CDH17: variants seen among roughly 807,000 people sequenced by gnomAD.
CDH17 encodes the protein cadherin-17.
In CDH17, 67 loss-of-function variants were observed where a neutral mutation model predicts 86.3. The ratio of observed to expected loss-of-function variants is 0.78; its 90% CI spans 0.64 to 0.95. The LOEUF (loss-of-function observed/expected upper bound fraction) is 0.95. Among genes scored for constraint, CDH17 ranks in the 40% least tolerant of loss-of-function variants. CDH17 has a pLI of 0.00. For synonymous variants in CDH17, 367 were observed against 366.4 expected (o/e 1.00, Z -0.02); for missense variants, 993 against 1,017.6 (o/e 0.98, Z 0.33).
chr8:94,147,593 C>T (rs1440175083), intron 14 of CDH17, among the ~76,000 whole-genome samples: 2 of 152,168 alleles, frequency 1.3e-5, no homozygotes, highest in Non-Finnish European at 2.9e-5. Flanking sequence ...TAATTAGAGA[C>T]TGGTCAACAT....
chr8:94,204,998 G>A (rs2129651862), intron 1 of CDH17, among the ~76,000 whole-genome samples: 1 of 152,330 alleles, frequency 6.6e-6, no homozygotes, highest in Admixed American at 6.5e-5. Context: ...ATCAGACCTT[G>A]ACGATGACCT....
At chr8:94,197,829 T>TAAAAAAA (rs34799637) in intron 1 of CDH17, among the ~76,000 whole-genome samples, 7 of 121,372 alleles carry the variant, frequency 5.8e-5, no homozygotes, top group Admixed American at 8.8e-5. Flanking sequence ...AGACTCTGTC[T>TAAAAAAA]AAAAAAAAAA....
chr8:94,177,613 C>A lies in CDH17; in HGVS notation c.259G>T (p.Glu87Ter). The A allele has an allele frequency of 6.2e-7, 1 of 1,613,700 alleles. No individual in the cohort carries two copies. The highest frequency in any genetic ancestry group is 8.5e-7 in the Non-Finnish European group (1 of 1,179,756). ...LLYYNRALDR[E>*]TRSTHNLQVA... ...TGGAGATTGTGAGTAGATCTTGTTTCCCTGTCCAAGGCTCTGTTGTAATAC... is the reference window on the plus strand; with the variant it reads ...TGGAGATTGTGAGTAGATCTTGTTTACCTGTCCAAGGCTCTGTTGTAATAC... Residue 87 changes from glutamate (E) to a stop codon, truncating the protein, a stop_gained, in exon 4 of 18, where the codon GAA becomes TAA. Coordinates refer to ENST00000027335, the MANE Select transcript of CDH17 (RefSeq NM_004063.4). LOFTEE classifies it high-confidence loss of function.
At chr8:94,196,629 G>A (rs187935579) in intron 1 of CDH17, among the ~76,000 whole-genome samples, 2 of 152,238 alleles carry the variant, frequency 1.3e-5, no homozygotes, top group Admixed American at 6.5e-5. Flanking sequence ...AAATTATTTA[G>A]GCAGATAGTA....
chr8:94,152,134 A>T, intron 12 of CDH17, 22 bp from the exon 13 acceptor site: 1 of 1,610,868 alleles, frequency 6.2e-7, no homozygotes, highest in Middle Eastern at 1.7e-4. Flanking sequence ...AAAGAGAGAA[A>T]ATTAATTTTG....
chr8:94,213,684 T>A (rs1159713955), intron 1 of CDH17, among the ~76,000 whole-genome samples: 1 of 152,178 alleles, frequency 6.6e-6, no homozygotes, highest in Non-Finnish European at 1.5e-5. Flanking sequence ...AGTGTCTGGC[T>A]TCCATCTTCA....
At chr8:94,156,848 C>T (rs1031446879) in intron 12 of CDH17, among the ~76,000 whole-genome samples, 1 of 152,160 alleles carries the variant, frequency 6.6e-6, no homozygotes, top group Admixed American at 6.5e-5. Flanking sequence ...GCATTTAATT[C>T]TTCAACATCC....
At chr8:94,141,716 T>C (rs1384627144) in intron 15 of CDH17, among the ~76,000 whole-genome samples, 2 of 152,136 alleles carry the variant, frequency 1.3e-5, no homozygotes, top group Non-Finnish European at 2.9e-5. Flanking sequence ...AACACATTGC[T>C]GAACGAAATT....
chr8:94,150,075 A>G (rs1039149221), intron 13 of CDH17, among the ~76,000 whole-genome samples: 4 of 152,256 alleles, frequency 2.6e-5, no homozygotes, highest in African/African-American at 9.6e-5. Context: ...TTAAAAAAGT[A>G]TGATGTGTTA....
At chr8:94,196,471 G>C (rs568966853) in intron 1 of CDH17, among the ~76,000 whole-genome samples, 107 of 152,222 alleles carry the variant, frequency 7.0e-4, no homozygotes, top group African/African-American at 2.5e-3. Context: ...TTGGGAGACC[G>C]AGGCAGGTGG....
chr8:94,165,456 C>T (rs78200120), intron 10 of CDH17, among the ~76,000 whole-genome samples: 3,334 of 152,240 alleles, frequency 0.022, 123 homozygotes, highest in African/African-American at 0.076. Flanking sequence ...CTCTCCCAGC[C>T]TTCTTTGTGC....
intron 11 of CDH17, 58 bp from the exon 12 acceptor site, chr8:94,160,220 G>C: frequency 7.6e-7 from 1 of 1,312,750 alleles, no homozygotes; most frequent in Non-Finnish European, 1.1e-6. Flanking sequence ...AAAGCCAAAG[G>C]ACAAACTTAT....
chr8:94,204,381 G>A (rs1813983393), intron 1 of CDH17, among the ~76,000 whole-genome samples: 1 of 152,132 alleles, frequency 6.6e-6, no homozygotes, highest in Non-Finnish European at 1.5e-5. Context: ...CCCCTTATGA[G>A]TGAGAACATG....
rs146393456 is a variant in CDH17 at position 94,201,216 on chromosome 8, C to T, written c.-20-6511G>A. ...AGTTTTGTTTCTACTGCAAATGTATCTCTGTGTCTCACTATTTCTCCTCAT... is the reference window on the plus strand; with the variant it reads ...AGTTTTGTTTCTACTGCAAATGTATTTCTGTGTCTCACTATTTCTCCTCAT... On this transcript the variant is annotated intron_variant, in intron 1 of 17. Transcript: ENST00000027335. Among the ~76,000 whole-genome samples, 684 of 152,250 alleles carry T rather than the reference C, an allele frequency of 4.5e-3. 8 individuals are homozygous for T. The highest frequency in any genetic ancestry group is 0.015 in the African/African-American group (640 of 41,528).
In CDH17 at chr8:94,204,144, T is replaced by A. The variant is rs182464945; in HGVS notation, c.-21+4339A>T. On this transcript the variant is annotated intron_variant, in intron 1 of 17. Transcript: ENST00000027335. The stretch of plus-strand genomic sequence containing the variant: ...ATGTTTGTCTCACTTTTTCTTTTTT[T>A]AAAAATTTTACTTTAAGTTCTGGGA... Among the ~76,000 whole-genome samples, 437 of 152,330 alleles carry A rather than the reference T, an allele frequency of 2.9e-3. 1 individual carries two copies. Among genetic ancestry groups the A allele is most frequent in the African/African-American group, 9.9e-3 (410 of 41,574 alleles).
chr8:94,215,271 C>A (rs6981215), intron 1 of CDH17, among the ~76,000 whole-genome samples: 52,609 of 151,970 alleles, frequency 0.35, 10,124 homozygotes, highest in South Asian at 0.47. Context: ...AATGTGGTAT[C>A]CATATGATAG....
chr8:94,173,880 C>G lies in CDH17; in HGVS notation c.700G>C (p.Val234Leu). Residue 234 changes from valine (V) to leucine (L), a missense_variant, in exon 7 of 18, where the codon GTG (valine) becomes CTG (leucine). Transcript: ENST00000027335. Reference protein sequence around the residue: ...FSDTTSVDIIVTENIWKAPKP... With the variant: ...FSDTTSVDIILTENIWKAPKP... The stretch of plus-strand genomic sequence containing the variant: ...GGTGCTTTCCAAATATTCTCTGTCA[C>G]TATGATATCCACAGATGTGGTATCA... 1 of 1,613,818 alleles carries G rather than the reference C, an allele frequency of 6.2e-7. No individual in the cohort carries two copies. Among genetic ancestry groups the G allele is most frequent in the Non-Finnish European group, 8.5e-7 (1 of 1,179,792 alleles).
chr8:94,170,103 TATAAG>T (rs1419028346), intron 9 of CDH17, among the ~76,000 whole-genome samples: 2 of 152,314 alleles, frequency 1.3e-5, no homozygotes, highest in East Asian at 3.9e-4. Context: ...TATACATGTA[TATAAG>T]ATACTAGTGT....
intron 15 of CDH17, among the ~76,000 whole-genome samples, chr8:94,135,240 T>C (rs538165912): frequency 1.3e-5 from 2 of 152,330 alleles, no homozygotes; most frequent in East Asian, 1.9e-4. Flanking sequence ...CATTGATATG[T>C]CTAATATTGA....
Sources: allele counts gnomAD v4.1 joint callset (sites outside exome capture counted in the v4.1 genomes callset), GRCh38; gene constraint gnomAD v4.1.1; transcripts MANE v1.5; gene names NCBI Gene and HGNC (gene_info 2026-07-23, HGNC 2026-07-21).